Variants in TMEFF2 observed in about 807,000 individuals in gnomAD.
TMEFF2 encodes the protein tomoregulin-2.
TMEFF2 carries 28 observed loss-of-function variants against 53.8 expected under a neutral mutation model. The ratio of observed to expected loss-of-function variants is 0.52; its 90% CI spans 0.39 to 0.71. TMEFF2 has a LOEUF of 0.71. Among genes scored for constraint, TMEFF2 ranks in the 30% least tolerant of loss-of-function variants. TMEFF2 has a pLI of 0.00. For missense variants in TMEFF2, 353 were observed against 455.2 expected, an observed-to-expected ratio of 0.78 and a Z score of 2.04; for synonymous variants, 162 against 166.3, an observed-to-expected ratio of 0.97 and a Z score of 0.20.
chr2:192,173,753 C>G (rs928744571), intron 4 of TMEFF2, among the ~76,000 whole-genome samples: 1 of 151,732 alleles, frequency 6.6e-6, no homozygotes, highest in African/African-American at 2.4e-5. Context: ...GGAGTCAGAG[C>G]TAGCTGTGTC....
At chr2:192,171,794 C>A (rs562482078) in intron 4 of TMEFF2, among the ~76,000 whole-genome samples, 3 of 152,044 alleles carry the variant, frequency 2.0e-5, no homozygotes, top group Non-Finnish European at 4.4e-5. Flanking sequence ...CCTTCTATCA[C>A]TTTCCTCTTG....
At chr2:192,114,597 G>T (rs35488767) in intron 4 of TMEFF2, among the ~76,000 whole-genome samples, 9,374 of 151,734 alleles carry the variant, frequency 0.062, 820 homozygotes, top group East Asian at 0.44. Context: ...CACTAAAATT[G>T]CAGGATATCA....
chr2:192,119,669 C>A (rs2105964573), intron 4 of TMEFF2, among the ~76,000 whole-genome samples: 1 of 152,298 alleles, frequency 6.6e-6, no homozygotes, highest in East Asian at 1.9e-4. Context: ...CCTCATAAAT[C>A]TGTGTGAGAA....
intron 4 of TMEFF2, among the ~76,000 whole-genome samples, chr2:192,159,290 A>AAGGATAGC (rs904664392): frequency 2.0e-5 from 3 of 152,134 alleles, no homozygotes; most frequent in African/African-American, 7.2e-5. Flanking sequence ...ATCAAGGCCG[A>AAGGATAGC]AGGATAGCAT....
intron 5 of TMEFF2, among the ~76,000 whole-genome samples, chr2:192,029,618 A>T (rs1252107584): frequency 1.3e-5 from 2 of 152,242 alleles, no homozygotes; most frequent in East Asian, 3.9e-4. Flanking sequence ...CATTTCCCAA[A>T]CCACTTTCTC....
At position 191,953,369 on chromosome 2, in the gene TMEFF2, A is replaced by G. The variant is rs558183433; in HGVS notation, c.1028+310T>C. Reference sequence around the variant, plus strand: ...AAGATAAAAATGTGTTTGTTATTATACCAAGATATGTTAAAACTGATTCAG... The same window carrying G: ...AAGATAAAAATGTGTTTGTTATTATGCCAAGATATGTTAAAACTGATTCAG... On this transcript the variant is annotated intron_variant, in intron 9 of 9. Coordinates refer to ENST00000272771, the MANE Select transcript of TMEFF2 (RefSeq NM_016192.4). Among the ~76,000 whole-genome samples the G allele has an allele frequency of 2.0e-5, 3 of 152,326 alleles. No individual in the cohort carries two copies. The East Asian group carries it at 5.8e-4, about 29-fold the overall frequency.
chr2:192,173,255 C>T (rs1248106049), intron 4 of TMEFF2, among the ~76,000 whole-genome samples: 2 of 151,722 alleles, frequency 1.3e-5, no homozygotes, highest in Non-Finnish European at 2.9e-5. Context: ...TATGTACTTA[C>T]AAATATGTAC....
chr2:192,153,665 G>A (rs979239055), intron 4 of TMEFF2, among the ~76,000 whole-genome samples: 1 of 151,776 alleles, frequency 6.6e-6, no homozygotes, highest in African/African-American at 2.4e-5. Context: ...TATTTCCTGG[G>A]GCAGAAATCA....
At chr2:192,055,261 G>A (rs1328138578) in intron 5 of TMEFF2, among the ~76,000 whole-genome samples, 4 of 152,194 alleles carry the variant, frequency 2.6e-5, no homozygotes, top group Admixed American at 6.5e-5. Context: ...CTTTGAATTA[G>A]TCATTTATTT....
intron 5 of TMEFF2, among the ~76,000 whole-genome samples, chr2:192,033,695 A>G (rs1239648662): frequency 6.6e-6 from 1 of 152,130 alleles, no homozygotes; most frequent in Non-Finnish European, 1.5e-5. Flanking sequence ...GTTCATGGTC[A>G]ATGAATAAAG....
chr2:191,972,477 A>G (rs113354188), intron 7 of TMEFF2, among the ~76,000 whole-genome samples: 4,417 of 151,764 alleles, frequency 0.029, 231 homozygotes, highest in African/African-American at 0.1. Context: ...TTAAAGATCA[A>G]TGGGAAAGCA....
intron 4 of TMEFF2, among the ~76,000 whole-genome samples, chr2:192,154,984 C>A (rs1233569261): frequency 1.3e-5 from 2 of 151,778 alleles, no homozygotes; most frequent in East Asian, 3.9e-4. Context: ...ATTTTCATAC[C>A]CTTCCTGGGA....
chr2:191,973,826 A>G (rs117406988), intron 7 of TMEFF2, among the ~76,000 whole-genome samples: 1,739 of 152,210 alleles, frequency 0.011, 52 homozygotes, highest in East Asian at 0.1. Context: ...TGAGTTTTCA[A>G]AAGATCTGAT....
chr2:192,099,157 T>C (rs866870869), intron 4 of TMEFF2, among the ~76,000 whole-genome samples: 2 of 152,124 alleles, frequency 1.3e-5, no homozygotes, highest in Non-Finnish European at 2.9e-5. Context: ...CTTCCCTTTT[T>C]TTCCTCTTTT....
chr2:191,964,362 T>TTCTCTC (rs1262352487), intron 7 of TMEFF2, among the ~76,000 whole-genome samples: 6 of 101,004 alleles, frequency 5.9e-5, no homozygotes, highest in East Asian at 2.5e-4. Flanking sequence ...CTTTCTTTCT[T>TTCTCTC]TCTTTCTTTC....
intron 4 of TMEFF2, among the ~76,000 whole-genome samples, chr2:192,111,765 G>A (rs566115211): frequency 1.6e-4 from 24 of 152,248 alleles, no homozygotes; most frequent in East Asian, 1.4e-3. Context: ...AAAAATGGTC[G>A]GCTGGGCCCA....
chr2:192,118,136 A>T (rs1425975213), intron 4 of TMEFF2, among the ~76,000 whole-genome samples: 2 of 152,052 alleles, frequency 1.3e-5, no homozygotes, highest in African/African-American at 4.8e-5. Flanking sequence ...TTTACTCCAT[A>T]AAGGTAATGA....
chr2:191,992,058 A>C (rs1686122322), intron 7 of TMEFF2, among the ~76,000 whole-genome samples: 1 of 152,088 alleles, frequency 6.6e-6, no homozygotes, highest in South Asian at 2.1e-4. Context: ...GCAATGAGAC[A>C]CTTTCCCTCA....
intron 5 of TMEFF2, among the ~76,000 whole-genome samples, chr2:192,047,381 G>A: frequency 6.6e-6 from 1 of 152,078 alleles, no homozygotes. Flanking sequence ...CTTATGGCTT[G>A]TTAGAACCTA....
Sources: allele counts gnomAD v4.1 joint callset (sites outside exome capture counted in the v4.1 genomes callset), GRCh38; gene constraint gnomAD v4.1.1; transcripts MANE v1.5; gene names NCBI Gene and HGNC (gene_info 2026-07-23, HGNC 2026-07-21).